The following PGCKA1 variants were observed in gnomAD, a reference collection of about 807,000 sequenced individuals.
PGCKA1 encodes PDCD10 and GCKIII kinases associated 1, also known as PDCD10 and GCKIII kinases-associated protein 1.
chr4:37,456,243 C>T, the PGCKA1 span, among the ~76,000 whole-genome samples: 2 of 152,282 alleles, frequency 1.3e-5, no homozygotes, highest in Admixed American at 6.5e-5. Flanking sequence ...AACCATTGAG[C>T]CATCCTGTGT....
the PGCKA1 span, among the ~76,000 whole-genome samples, chr4:37,462,289 T>C: frequency 1.3e-5 from 2 of 152,212 alleles, no homozygotes; most frequent in African/African-American, 2.4e-5. Context: ...GATCATTTCA[T>C]AGTTAAGGAC....
the PGCKA1 span, among the ~76,000 whole-genome samples, chr4:37,521,969 T>C: frequency 6.6e-6 from 1 of 152,242 alleles, no homozygotes; most frequent in African/African-American, 2.4e-5. Context: ...ATAGTTTTTG[T>C]CTTAAACTCT....
chr4:37,571,299 T>G, the PGCKA1 span, among the ~76,000 whole-genome samples: 2 of 151,964 alleles, frequency 1.3e-5, no homozygotes, highest in Non-Finnish European at 1.5e-5. Flanking sequence ...GGTAGACTTT[T>G]GATGAGCTGC....
At chr4:37,518,481 G>A in the PGCKA1 span, among the ~76,000 whole-genome samples, 6 of 152,194 alleles carry the variant, frequency 3.9e-5, no homozygotes, top group Non-Finnish European at 8.8e-5. Flanking sequence ...GGGTGAGATA[G>A]TATCTCATTG....
At chr4:37,521,415 A>C in the PGCKA1 span, among the ~76,000 whole-genome samples, 1 of 152,310 alleles carries the variant, frequency 6.6e-6, no homozygotes, top group African/African-American at 2.4e-5. Context: ...GAAATTTTTC[A>C]ATATTCTTCT....
the PGCKA1 span, among the ~76,000 whole-genome samples, chr4:37,572,125 G>C: frequency 1.4e-5 from 2 of 139,708 alleles, no homozygotes; most frequent in African/African-American, 2.7e-5. Flanking sequence ...TGCAGTGGCG[G>C]GATCTCGGCT....
At chr4:37,544,698 G>A in the PGCKA1 span, among the ~76,000 whole-genome samples, 1 of 151,810 alleles carries the variant, frequency 6.6e-6, no homozygotes, top group Non-Finnish European at 1.5e-5. Context: ...GGGGGAACAA[G>A]TAACATGATG....
the PGCKA1 span, among the ~76,000 whole-genome samples, chr4:37,541,276 C>G: frequency 6.6e-6 from 1 of 152,302 alleles, no homozygotes; most frequent in African/African-American, 2.4e-5. Context: ...GCTTTAACTC[C>G]CCACCCCCAA....
the PGCKA1 span, among the ~76,000 whole-genome samples, chr4:37,479,298 T>C: frequency 6.6e-6 from 1 of 152,234 alleles, no homozygotes; most frequent in Non-Finnish European, 1.5e-5. Context: ...TTTCAAAGGA[T>C]GCTAATTTAT....
At chr4:37,563,886 A>G in the PGCKA1 span, among the ~76,000 whole-genome samples, 1 of 152,200 alleles carries the variant, frequency 6.6e-6, no homozygotes, top group African/African-American at 2.4e-5. Flanking sequence ...TCATGGAGAC[A>G]CGGCCCAGTT....
chr4:37,586,632 G>A, the PGCKA1 span, among the ~76,000 whole-genome samples: 141 of 152,314 alleles, frequency 9.3e-4, no homozygotes, highest in Non-Finnish European at 1.3e-3. Flanking sequence ...GGAAGCAGCC[G>A]GGCATGGTGG....
the PGCKA1 span, among the ~76,000 whole-genome samples, chr4:37,580,680 C>T: frequency 6.6e-6 from 1 of 152,184 alleles, no homozygotes; most frequent in African/African-American, 2.4e-5. Flanking sequence ...TGGCCATGAT[C>T]ACTAGGACTG....
the PGCKA1 span, among the ~76,000 whole-genome samples, chr4:37,517,789 T>A: frequency 1.3e-5 from 2 of 152,302 alleles, no homozygotes; most frequent in African/African-American, 4.8e-5. Flanking sequence ...TATTTGAAAA[T>A]GTACAACTAA....
At chr4:37,554,691 T>C in the PGCKA1 span, among the ~76,000 whole-genome samples, 1 of 152,214 alleles carries the variant, frequency 6.6e-6, no homozygotes. Flanking sequence ...TTTGGAATTT[T>C]TCAAAGTCTT....
chr4:37,500,607 G>C, the PGCKA1 span, among the ~76,000 whole-genome samples: 1 of 152,308 alleles, frequency 6.6e-6, no homozygotes, highest in East Asian at 1.9e-4. Flanking sequence ...GTTTGGTGGT[G>C]GAGAGTTCTG....
chr4:37,534,135 G>A, the PGCKA1 span, among the ~76,000 whole-genome samples: 7 of 152,120 alleles, frequency 4.6e-5, no homozygotes, highest in African/African-American at 1.7e-4. Flanking sequence ...TAATCATCTT[G>A]TTTTTCTTTT....
chr4:37,516,984 C>A, the PGCKA1 span, among the ~76,000 whole-genome samples: 1 of 152,102 alleles, frequency 6.6e-6, no homozygotes, highest in Non-Finnish European at 1.5e-5. Context: ...AGGCCAGGCG[C>A]TGTGGCTCAC....
At chr4:37,468,589 T>C in the PGCKA1 span, among the ~76,000 whole-genome samples, 1 of 152,236 alleles carries the variant, frequency 6.6e-6, no homozygotes, top group Non-Finnish European at 1.5e-5. Context: ...AGCTGCTATC[T>C]CTAGGAAACT....
the PGCKA1 span, among the ~76,000 whole-genome samples, chr4:37,520,699 G>C: frequency 0.2 from 30,779 of 151,670 alleles, 3,832 homozygotes; most frequent in African/African-American, 0.35. Context: ...CTCACTGCAA[G>C]CTCTGCATCC....
Sources: allele counts gnomAD v4.1 joint callset (sites outside exome capture counted in the v4.1 genomes callset), GRCh38; gene constraint gnomAD v4.1.1; transcripts MANE v1.5; gene names NCBI Gene and HGNC (gene_info 2026-07-23, HGNC 2026-07-21).